NEDD4L: variants seen among roughly 807,000 people sequenced by gnomAD.
NEDD4L encodes the protein NEDD4 like E3 ubiquitin protein ligase, also known as E3 ubiquitin-protein ligase NEDD4-like.
A neutral mutation model predicts 148.9 loss-of-function variants in NEDD4L; 54 were observed. That is an observed-to-expected ratio of 0.36 (90% confidence interval 0.29 to 0.45). NEDD4L has a LOEUF of 0.45. NEDD4L is among the 20% of genes least tolerant of loss of function. The pLI, the probability that NEDD4L is intolerant of heterozygous loss-of-function variation, is 1.00. For missense variants in NEDD4L, 856 were observed against 1,233.8 expected (o/e 0.69, Z 4.59); for synonymous variants, 433 against 440.7 (o/e 0.98, Z 0.22).
intron 1 of NEDD4L, among the ~76,000 whole-genome samples, chr18:58,056,137 T>C (rs1159476856): frequency 2.0e-5 from 3 of 152,232 alleles, no homozygotes; most frequent in Admixed American, 6.5e-5. Flanking sequence ...ATGTTACTTT[T>C]AATCAGAGAC....
chr18:58,211,442 A>T (rs1392964572), intron 2 of NEDD4L, among the ~76,000 whole-genome samples: 5 of 152,248 alleles, frequency 3.3e-5, no homozygotes, highest in Non-Finnish European at 7.3e-5. Flanking sequence ...ATAGCAGCAG[A>T]TAACCTAGGA....
chr18:58,183,290 T>C (rs2039057091), intron 2 of NEDD4L, among the ~76,000 whole-genome samples: 1 of 152,254 alleles, frequency 6.6e-6, no homozygotes, highest in Non-Finnish European at 1.5e-5. Context: ...CCCTGTGCCT[T>C]GTTTGTTAGC....
chr18:58,361,723 C>T (rs991113896), intron 19 of NEDD4L, among the ~76,000 whole-genome samples: 1 of 152,178 alleles, frequency 6.6e-6, no homozygotes, highest in African/African-American at 2.4e-5. Flanking sequence ...GGCAGATTTT[C>T]ATTCTGTACC....
chr18:58,063,949 CTTTTTTTTTTTTTTTTTTTTTTT>C (rs58608106), intron 1 of NEDD4L, among the ~76,000 whole-genome samples: 92,541 of 131,786 alleles, frequency 0.7, 31,936 homozygotes, highest in East Asian at 0.97. Context: ...TATAATGTTT[CTTTTTTTTTTTTTTTTTTTTTTT>C]TTTTTTTTTT....
chr18:58,094,978 C>G (rs1421692368), intron 1 of NEDD4L, among the ~76,000 whole-genome samples: 1 of 152,028 alleles, frequency 6.6e-6, no homozygotes, highest in African/African-American at 2.4e-5. Flanking sequence ...TGTCATTAGC[C>G]CTTTGCTCAC....
chr18:58,225,995 T>C (rs940916013), intron 2 of NEDD4L, among the ~76,000 whole-genome samples: 1 of 152,196 alleles, frequency 6.6e-6, no homozygotes, highest in Non-Finnish European at 1.5e-5. Context: ...CGGCTGACAC[T>C]AGGTTAGTGG....
chr18:58,074,524 C>T (rs1164539291), intron 1 of NEDD4L, among the ~76,000 whole-genome samples: 2 of 150,314 alleles, frequency 1.3e-5, no homozygotes, highest in Non-Finnish European at 3.0e-5. Flanking sequence ...CCGCTCACCT[C>T]GGCCTCCCAA....
At chr18:58,268,873 AG>A (rs1323343431) in intron 5 of NEDD4L, among the ~76,000 whole-genome samples, 2 of 151,766 alleles carry the variant, frequency 1.3e-5, no homozygotes, top group East Asian at 3.9e-4. Context: ...GGAGGAGGGG[AG>A]CGTTCTATGG....
At chr18:58,177,511 C>T (rs533090154) in intron 2 of NEDD4L, among the ~76,000 whole-genome samples, 65 of 152,250 alleles carry the variant, frequency 4.3e-4, no homozygotes, top group Non-Finnish European at 6.3e-4. Context: ...GGAAGGGACT[C>T]GTTTCTCTGA....
chr18:58,268,115 C>T lies in NEDD4L; in HGVS notation c.297+16061C>T, dbSNP rs2050487936. Among the ~76,000 whole-genome samples the T allele has an allele frequency of 2.6e-5, 4 of 152,138 alleles. No homozygotes were observed. The South Asian group carries it at 8.3e-4, about 32-fold the overall frequency. Reference sequence around the variant, plus strand: ...GCATGCAGATTGATTACCCCAACCCCCCAATGGGGTTCAGAAGCTTCTATA... The same window carrying T: ...GCATGCAGATTGATTACCCCAACCCTCCAATGGGGTTCAGAAGCTTCTATA... On this transcript the variant is annotated intron_variant, in intron 5 of 30. Transcript: ENST00000400345.
intron 9 of NEDD4L, among the ~76,000 whole-genome samples, chr18:58,328,692 A>T (rs532013385): frequency 6.6e-6 from 1 of 152,340 alleles, no homozygotes; most frequent in East Asian, 1.9e-4. Context: ...AAATGGGCAG[A>T]GGACTTTGAT....
At chr18:58,292,622 C>T (rs1430392633) in intron 5 of NEDD4L, among the ~76,000 whole-genome samples, 1 of 152,226 alleles carries the variant, frequency 6.6e-6, no homozygotes, top group Non-Finnish European at 1.5e-5. Context: ...CTATATATGT[C>T]TCCTTTTGCA....
Position 58,399,549 on chromosome 18 carries a change from CA to C in NEDD4L, c.*3282del, listed in dbSNP as rs2050718713. 1 of 152,294 alleles carries C rather than the reference CA, an allele frequency of 6.6e-6. No individual in the cohort carries two copies. Among genetic ancestry groups the C allele is most frequent in the Non-Finnish European group, 1.5e-5 (1 of 68,110 alleles). 9.4% of individuals were successfully genotyped at this position (152,294 alleles called of 1,614,324 possible). A position where few individuals can be genotyped will look rare whatever the true frequency, so the allele number is the denominator to read the frequency against. On this transcript the variant is annotated 3_prime_UTR_variant, in exon 31 of 31. Coordinates refer to ENST00000400345, the MANE Select transcript of NEDD4L (RefSeq NM_001144967.3). ...TAGCTCAGGCTGGAGTGCAGTGGCT[CA>C]ATCTCAGCTCACCACAACCTCTGCC...
At chr18:58,057,931 A>G (rs568880615) in intron 1 of NEDD4L, among the ~76,000 whole-genome samples, 21 of 152,260 alleles carry the variant, frequency 1.4e-4, no homozygotes, top group African/African-American at 4.6e-4. Flanking sequence ...AGAATGAGCA[A>G]CTTCCCCACA....
At chr18:58,327,747 T>C (rs537841282) in intron 9 of NEDD4L, among the ~76,000 whole-genome samples, 4 of 152,200 alleles carry the variant, frequency 2.6e-5, no homozygotes, top group Non-Finnish European at 4.4e-5. Context: ...TTTCAGTTAG[T>C]CTGAAATGAC....
chr18:58,323,470 C>T, intron 8 of NEDD4L, 136 bp downstream of exon 8: 29 of 591,782 alleles, frequency 4.9e-5, no homozygotes. Flanking sequence ...GCAAATTGGT[C>T]ATTGATAGTC....
chr18:58,224,738 T>C (rs1461437914), intron 2 of NEDD4L, among the ~76,000 whole-genome samples: 2 of 152,232 alleles, frequency 1.3e-5, no homozygotes, highest in Non-Finnish European at 2.9e-5. Flanking sequence ...TACCAAATAT[T>C]TCCTAAGTGT....
intron 2 of NEDD4L, among the ~76,000 whole-genome samples, chr18:58,200,225 T>G (rs2041234887): frequency 6.6e-6 from 1 of 152,264 alleles, no homozygotes; most frequent in Admixed American, 6.5e-5. Context: ...GATTTTAATT[T>G]ATTTTCCATT....
intron 1 of NEDD4L, among the ~76,000 whole-genome samples, chr18:58,158,390 C>T (rs2035772433): frequency 6.6e-6 from 1 of 152,190 alleles, no homozygotes; most frequent in Non-Finnish European, 1.5e-5. Context: ...AATTACCCAC[C>T]TCATGAAGAA....
Sources: allele counts gnomAD v4.1 joint callset (sites outside exome capture counted in the v4.1 genomes callset), GRCh38; gene constraint gnomAD v4.1.1; transcripts MANE v1.5; gene names NCBI Gene and HGNC (gene_info 2026-07-23, HGNC 2026-07-21).